Variants in CACNG2 observed in about 807,000 individuals in gnomAD.
CACNG2 encodes the protein calcium voltage-gated channel auxiliary subunit gamma 2.
CACNG2 carries 3 observed loss-of-function variants against 25.9 expected under a neutral mutation model. The observed-to-expected ratio is 0.12, with a 90% CI of 0.05 to 0.30. The LOEUF (loss-of-function observed/expected upper bound fraction) is 0.30. Ranked by LOEUF, CACNG2 falls within the 10% of genes least tolerant of loss-of-function variation. The pLI is 1.00. For synonymous variants in CACNG2, 167 were observed against 173.3 expected (o/e 0.96, Z 0.29); for missense variants, 341 against 432.5 (o/e 0.79, Z 1.88).
intron 1 of CACNG2, among the ~76,000 whole-genome samples, chr22:36,653,996 G>GTT (rs1936665685): frequency 6.7e-6 from 1 of 149,362 alleles, no homozygotes; most frequent in Non-Finnish European, 1.5e-5. Flanking sequence ...GTGTGTGTGT[G>GTT]TGTGTGTGTG....
chr22:36,616,746 T>A (rs1569030667), intron 1 of CACNG2, among the ~76,000 whole-genome samples: 1 of 152,202 alleles, frequency 6.6e-6, no homozygotes, highest in East Asian at 1.9e-4. Context: ...ATCTCCTTTC[T>A]CAGGACCTAT....
At chr22:36,690,278 C>T (rs576338198) in intron 1 of CACNG2, among the ~76,000 whole-genome samples, 30 of 152,282 alleles carry the variant, frequency 2.0e-4, no homozygotes, top group Admixed American at 1.6e-3. Flanking sequence ...AGGCACCTGC[C>T]GCACGGAAGA....
At chr22:36,566,775 C>T (rs997702997) in intron 2 of CACNG2, among the ~76,000 whole-genome samples, 48 of 152,330 alleles carry the variant, frequency 3.2e-4, no homozygotes, top group African/African-American at 8.2e-4. Context: ...CCAGCTCCCA[C>T]GGCTCCCAGT....
chr22:36,679,850 G>GTT (rs1467231810), intron 1 of CACNG2, among the ~76,000 whole-genome samples: 3 of 152,078 alleles, frequency 2.0e-5, no homozygotes, highest in African/African-American at 7.2e-5. Flanking sequence ...CACGTTAAAG[G>GTT]TTTTGGACAC....
At chr22:36,611,241 G>T (rs1454163372) in intron 1 of CACNG2, among the ~76,000 whole-genome samples, 2 of 152,124 alleles carry the variant, frequency 1.3e-5, no homozygotes, top group African/African-American at 4.8e-5. Flanking sequence ...GGGCTCAAGG[G>T]CACTGCTTTT....
intron 1 of CACNG2, among the ~76,000 whole-genome samples, chr22:36,650,448 G>A (rs1936593133): frequency 6.6e-6 from 1 of 152,096 alleles, no homozygotes; most frequent in East Asian, 1.9e-4. Flanking sequence ...CCAGCTCACT[G>A]TAGCCTCGAC....
chr22:36,662,709 G>A (rs774999665), intron 1 of CACNG2, among the ~76,000 whole-genome samples: 54 of 152,164 alleles, frequency 3.5e-4, no homozygotes, highest in African/African-American at 1.3e-3. Flanking sequence ...CATAATAATC[G>A]CGGAGTAAAC....
At chr22:36,592,296 G>T (rs1227765105) in intron 1 of CACNG2, among the ~76,000 whole-genome samples, 5 of 151,258 alleles carry the variant, frequency 3.3e-5, no homozygotes, top group Admixed American at 6.6e-5. Flanking sequence ...TTGGGGTGGG[G>T]TCAAAGCATT....
chr22:36,594,373 A>G (rs1935640667), intron 1 of CACNG2, among the ~76,000 whole-genome samples: 1 of 152,224 alleles, frequency 6.6e-6, no homozygotes, highest in Non-Finnish European at 1.5e-5. Context: ...TTGTTCAGCT[A>G]TCATTTATGT....
At chr22:36,625,695 GTTTATC>G (rs1460881249) in intron 1 of CACNG2, among the ~76,000 whole-genome samples, 1 of 152,124 alleles carries the variant, frequency 6.6e-6, no homozygotes. Flanking sequence ...GAGAAATCGT[GTTTATC>G]TTTAACTACA....
chr22:36,675,921 G>A (rs1937013365), intron 1 of CACNG2, among the ~76,000 whole-genome samples: 2 of 152,250 alleles, frequency 1.3e-5, no homozygotes, highest in Admixed American at 1.3e-4. Context: ...TGACAGCCCT[G>A]TCTGTGCTAA....
intron 1 of CACNG2, among the ~76,000 whole-genome samples, chr22:36,600,552 T>G (rs1256857731): frequency 2.2e-5 from 2 of 92,350 alleles, no homozygotes; most frequent in African/African-American, 6.0e-5. Flanking sequence ...TTTAAATTTG[T>G]TTTTTTTTTT....
At chr22:36,680,349 T>C (rs1258731145) in intron 1 of CACNG2, among the ~76,000 whole-genome samples, 4 of 95,006 alleles carry the variant, frequency 4.2e-5, no homozygotes, top group African/African-American at 1.8e-4. Flanking sequence ...CCATCATCAC[T>C]ACCACCATCA....
chr22:36,644,718 C>A (rs924177327), intron 1 of CACNG2, among the ~76,000 whole-genome samples: 3 of 152,118 alleles, frequency 2.0e-5, no homozygotes, highest in African/African-American at 7.2e-5. Context: ...AATACTGACC[C>A]CAAAACAAGT....
intron 1 of CACNG2, among the ~76,000 whole-genome samples, chr22:36,643,007 C>G (rs1331851973): frequency 6.8e-6 from 1 of 147,646 alleles, no homozygotes; most frequent in Non-Finnish European, 1.5e-5. Context: ...CTTCCTCTCT[C>G]CCTCCCTCCC....
intron 1 of CACNG2, among the ~76,000 whole-genome samples, chr22:36,690,074 G>A (rs755239973): frequency 3.9e-5 from 6 of 152,216 alleles, no homozygotes; most frequent in East Asian, 1.9e-4. Context: ...CCCTGTCTGC[G>A]CTGGTGTCAT....
intron 2 of CACNG2, chr22:36,584,442 A>G (rs1171234566): frequency 6.6e-6 from 1 of 152,334 alleles, no homozygotes; most frequent in Non-Finnish European, 1.5e-5. Context: ...TACAGCAACA[A>G]CAACAACAAC....
At chr22:36,625,860 C>T (rs533708830) in intron 1 of CACNG2, among the ~76,000 whole-genome samples, 1 of 152,298 alleles carries the variant, frequency 6.6e-6, no homozygotes, top group African/African-American at 2.4e-5. Context: ...TTTAAAGGCA[C>T]AGGCATGAAA....
At chr22:36,617,809 G>T (rs1002631290) in intron 1 of CACNG2, among the ~76,000 whole-genome samples, 2 of 151,108 alleles carry the variant, frequency 1.3e-5, no homozygotes, top group Non-Finnish European at 2.9e-5. Flanking sequence ...TGGCATACTA[G>T]CTCCTGCGTT....
Sources: gnomAD v4.1 joint callset for allele counts (sites outside exome capture counted in the v4.1 genomes callset) on GRCh38, gnomAD v4.1.1 for gene constraint, MANE v1.5 for transcripts, NCBI Gene and HGNC (gene_info 2026-07-23, HGNC 2026-07-21) for gene names.